The following BLTP1 variants were observed in gnomAD, a reference collection of about 807,000 sequenced individuals.
BLTP1 encodes the protein fragile site-associated protein.
the BLTP1 span, among the ~76,000 whole-genome samples, chr4:122,262,281 T>G: frequency 6.6e-6 from 1 of 151,986 alleles, no homozygotes; most frequent in African/African-American, 2.4e-5. Flanking sequence ...TATAAATATT[T>G]CAGGCTACTG....
chr4:122,211,208 G>T, the BLTP1 span: 2 of 899,576 alleles, frequency 2.2e-6, no homozygotes, highest in Admixed American at 2.7e-5. Context: ...AAGTGTTGAG[G>T]ATATACCAGA....
the BLTP1 span, among the ~76,000 whole-genome samples, chr4:122,273,796 A>G: frequency 6.6e-6 from 1 of 152,100 alleles, no homozygotes; most frequent in African/African-American, 2.4e-5. Flanking sequence ...TTTTATAAAC[A>G]AACATATGCC....
At chr4:122,202,617 C>G in the BLTP1 span, 203 of 669,246 alleles carry the variant, frequency 3.0e-4, 1 homozygote, top group South Asian at 2.8e-3. Context: ...AAATAGATAC[C>G]TATCATCAAG....
chr4:122,354,913 C>T, the BLTP1 span, among the ~76,000 whole-genome samples: 1 of 152,116 alleles, frequency 6.6e-6, no homozygotes, highest in Non-Finnish European at 1.5e-5. Flanking sequence ...GATACACCCG[C>T]CTCAGCCTCC....
chr4:122,192,421 A>G, the BLTP1 span: 1 of 1,247,724 alleles, frequency 8.0e-7, no homozygotes, highest in Non-Finnish European at 1.1e-6. Context: ...TTTTAGATGT[A>G]TTTAGATGTA....
the BLTP1 span, chr4:122,277,578 G>C: frequency 5.0e-5 from 48 of 953,122 alleles, no homozygotes; most frequent in Non-Finnish European, 5.9e-5. Context: ...AAGAAAGATC[G>C]TATCTTTGCT....
At chr4:122,208,943 G>A in the BLTP1 span, among the ~76,000 whole-genome samples, 1 of 138,746 alleles carries the variant, frequency 7.2e-6, no homozygotes, top group Non-Finnish European at 1.5e-5. Flanking sequence ...GAGTGCAGGA[G>A]TTCAAGGCTT....
chr4:122,331,162 CA>C, the BLTP1 span: 1 of 897,016 alleles, frequency 1.1e-6, no homozygotes, highest in Non-Finnish European at 1.3e-6. Context: ...TTATTCAGTA[CA>C]TAGTAGCTGA....
the BLTP1 span, among the ~76,000 whole-genome samples, chr4:122,320,245 C>T: frequency 2.6e-5 from 4 of 151,918 alleles, no homozygotes; most frequent in Admixed American, 6.6e-5. Context: ...AATTCCTGGG[C>T]TCAAGCAATC....
the BLTP1 span, among the ~76,000 whole-genome samples, chr4:122,280,402 T>C: frequency 6.6e-6 from 1 of 152,214 alleles, no homozygotes; most frequent in African/African-American, 2.4e-5. Context: ...GCCACATAAA[T>C]GTTTTAAAGG....
At chr4:122,323,651 C>A in the BLTP1 span, among the ~76,000 whole-genome samples, 1 of 151,874 alleles carries the variant, frequency 6.6e-6, no homozygotes, top group East Asian at 1.9e-4. Context: ...TGTCACTAGT[C>A]TCTGATAGTA....
the BLTP1 span, chr4:122,186,345 T>C: frequency 2.0e-6 from 1 of 504,790 alleles, no homozygotes; most frequent in South Asian, 5.6e-5. Context: ...ACTGAAACTT[T>C]TAGTAACATA....
chr4:122,333,555 C>T, the BLTP1 span: 114 of 1,456,346 alleles, frequency 7.8e-5, no homozygotes, highest in African/African-American at 5.8e-4. Context: ...GAGTAGGTTG[C>T]GAAAAGTTTG....
the BLTP1 span, chr4:122,239,494 A>G: frequency 2.0e-6 from 3 of 1,499,970 alleles, no homozygotes; most frequent in African/African-American, 2.8e-5. Flanking sequence ...GAAAATGGTA[A>G]TAGCTTTGCT....
At chr4:122,234,793 A>G in the BLTP1 span, 1 of 1,611,744 alleles carries the variant, frequency 6.2e-7, no homozygotes, top group African/African-American at 1.3e-5. Context: ...TTATGGCCAG[A>G]TGATATCCTG....
the BLTP1 span, among the ~76,000 whole-genome samples, chr4:122,320,528 G>A: frequency 2.0e-5 from 3 of 152,040 alleles, no homozygotes; most frequent in African/African-American, 7.2e-5. Context: ...ATTTCATAAT[G>A]CTCTTCTTTT....
chr4:122,272,210 C>T, the BLTP1 span: 2 of 1,613,086 alleles, frequency 1.2e-6, no homozygotes, highest in Non-Finnish European at 1.7e-6. Context: ...TGAGAATGAA[C>T]AAGACAACAG....
At chr4:122,294,644 G>T in the BLTP1 span, among the ~76,000 whole-genome samples, 2 of 152,026 alleles carry the variant, frequency 1.3e-5, no homozygotes, top group African/African-American at 2.4e-5. Flanking sequence ...AGATATGCCC[G>T]CAAAGATGAG....
chr4:122,261,506 A>G, the BLTP1 span: 3 of 981,998 alleles, frequency 3.1e-6, no homozygotes, highest in Non-Finnish European at 3.6e-6. Context: ...TAGATGTGAC[A>G]GAAGATAGAA....
Sources: gnomAD v4.1 joint callset for allele counts (sites outside exome capture counted in the v4.1 genomes callset) on GRCh38, gnomAD v4.1.1 for gene constraint, MANE v1.5 for transcripts, NCBI Gene and HGNC (gene_info 2026-07-23, HGNC 2026-07-21) for gene names.